Variants in FRMD3 observed in about 807,000 individuals in gnomAD.
FRMD3 encodes FERM domain containing 3.
Under a neutral mutation model 70.2 loss-of-function variants are expected in FRMD3, and 33 were observed. The observed-to-expected ratio is 0.47, with a 90% CI of 0.36 to 0.63. FRMD3 has a LOEUF of 0.63. FRMD3 is among the 20% of genes least tolerant of loss of function. FRMD3 has a pLI of 0.00. For missense variants in FRMD3, 632 were observed against 711.4 expected (o/e 0.89, Z 1.27); for synonymous variants, 279 against 255.9 (o/e 1.09, Z -0.86).
chr9:83,438,591 G>A (rs1329830012), intron 1 of FRMD3, among the ~76,000 whole-genome samples: 1 of 152,158 alleles, frequency 6.6e-6, no homozygotes, highest in South Asian at 2.1e-4. Context: ...GTAGAGACAG[G>A]GTTTCACCAT....
At chr9:83,344,812 C>T (rs953895413) in intron 4 of FRMD3, among the ~76,000 whole-genome samples, 10 of 112,782 alleles carry the variant, frequency 8.9e-5, no homozygotes, top group East Asian at 5.2e-4. Flanking sequence ...TGTGTGCATG[C>T]GTGCATGTGT....
rs563499267 is a variant in FRMD3, at chr9:83,244,871, G to A, written c.*3047C>T. ...CATAACATTTTACAATATTTTTCAAGCACAGACAAATACATACTTTACTTT... is the reference window on the plus strand; with the variant it reads ...CATAACATTTTACAATATTTTTCAAACACAGACAAATACATACTTTACTTT... On this transcript the variant is annotated 3_prime_UTR_variant, in exon 14 of 14. Transcript: ENST00000304195. 5.1e-6 allele frequency: 5 copies of A among 983,258 alleles called. No individual in the cohort carries two copies. In the African/African-American group the frequency reaches 8.9e-5, roughly 18 times the overall value. 60.9% of individuals were successfully genotyped at this position (983,258 alleles called of 1,614,324 possible). A position where few individuals can be genotyped will look rare whatever the true frequency, so the allele number is the denominator to read the frequency against.
chr9:83,574,962 T>C, the FRMD3 span, among the ~76,000 whole-genome samples: 3 of 152,180 alleles, frequency 2.0e-5, no homozygotes, highest in South Asian at 4.1e-4. Flanking sequence ...ACAGGGAAGA[T>C]GTTTCTTCCT....
intron 1 of FRMD3, among the ~76,000 whole-genome samples, chr9:83,516,392 T>C (rs1829456161): frequency 6.6e-6 from 1 of 151,618 alleles, no homozygotes; most frequent in South Asian, 2.1e-4. Flanking sequence ...TACATAATGG[T>C]AAAGGGATCA....
intron 3 of FRMD3, among the ~76,000 whole-genome samples, chr9:83,357,991 CTT>C (rs1824458235): frequency 7.0e-6 from 1 of 143,600 alleles, no homozygotes; most frequent in African/African-American, 2.5e-5. Flanking sequence ...GTCATGGAGT[CTT>C]TGCCTAACCC....
chr9:83,467,568 TAAATA>T (rs1408636791), intron 1 of FRMD3: 2 of 1,131,762 alleles, frequency 1.8e-6, no homozygotes, highest in South Asian at 2.6e-5. Flanking sequence ...TGCATTATGT[TAAATA>T]AAAGCGTACC....
chr9:83,492,701 C>G lies in FRMD3; in HGVS notation c.147+45384G>C, dbSNP rs114837683. Among the ~76,000 whole-genome samples, 738 of 152,346 alleles carry G rather than the reference C, an allele frequency of 4.8e-3. 7 individuals carry two copies. The highest frequency in any genetic ancestry group is 0.017 in the African/African-American group (704 of 41,586). On this transcript the variant is annotated intron_variant, in intron 1 of 13. Coordinates refer to ENST00000304195, the MANE Select transcript of FRMD3 (RefSeq NM_174938.6). ...GTTCTGCCAGAGTCTCCTCTCCACT[C>G]AGTTCCAGCTGTGTCCACCTCGACC...
intron 13 of FRMD3, among the ~76,000 whole-genome samples, chr9:83,263,868 C>T (rs72743036): frequency 0.51 from 76,795 of 151,940 alleles, 21,321 homozygotes; most frequent in South Asian, 0.76. Context: ...TAACAAGAAG[C>T]CTGGAAAACT....
At chr9:83,567,995 T>C in the FRMD3 span, among the ~76,000 whole-genome samples, 1 of 152,190 alleles carries the variant, frequency 6.6e-6, no homozygotes, top group Non-Finnish European at 1.5e-5. Flanking sequence ...ATTCACTGTA[T>C]TAGTCCAAAT....
Position 83,290,708 on chromosome 9 carries a change from G to C in FRMD3, c.1090C>G (p.Arg364Gly). Reference protein sequence around the residue: ...EVHRANITQSRSSHSLNKQLI... With the variant: ...EVHRANITQSGSSHSLNKQLI... ...TGTTTGTTCAAGGAGTGGGAACTGCGGCTCTGAGTAATGTTGGCTCTGAAA... is the reference window on the plus strand; with the variant it reads ...TGTTTGTTCAAGGAGTGGGAACTGCCGCTCTGAGTAATGTTGGCTCTGAAA... Residue 364 changes from arginine (R) to glycine (G), a missense_variant, in exon 13 of 14, where the codon CGC (arginine) becomes GGC (glycine). Physicochemically the swap from Arg to Gly is moderately radical, Grantham distance 125 (BLOSUM62 -2). Coordinates refer to ENST00000304195, the MANE Select transcript of FRMD3 (RefSeq NM_174938.6). The C allele has an allele frequency of 1.2e-6, 2 of 1,612,286 alleles. No homozygotes were observed. The highest frequency in any genetic ancestry group is 1.7e-6 in the Non-Finnish European group (2 of 1,179,034).
chr9:83,405,059 G>C (rs1826060461), intron 1 of FRMD3, among the ~76,000 whole-genome samples: 1 of 152,206 alleles, frequency 6.6e-6, no homozygotes, highest in African/African-American at 2.4e-5. Flanking sequence ...AGAAGGAAGA[G>C]ACGATGGGCT....
chr9:83,332,449 A>T (rs13286422), intron 6 of FRMD3, among the ~76,000 whole-genome samples: 62 of 150,526 alleles, frequency 4.1e-4, no homozygotes, highest in Non-Finnish European at 7.5e-4. Flanking sequence ...CTATCAGGCC[A>T]TCTTGGTCCC....
intron 3 of FRMD3, 75 bp from the exon 4 acceptor site, chr9:83,349,832 C>CA: frequency 1.8e-6 from 2 of 1,127,440 alleles, no homozygotes; most frequent in Non-Finnish European, 2.6e-6. Flanking sequence ...GGAAAGGCAG[C>CA]CGTGCAGCCT....
chr9:83,538,806 C>A (rs1034300348), upstream of FRMD3, among the ~76,000 whole-genome samples: 1 of 150,386 alleles, frequency 6.6e-6, no homozygotes, highest in African/African-American at 2.5e-5. The surrounding 1 kb of genome is among the most constrained non-coding windows in gnomAD (Gnocchi z 4.7). Context: ...AGGGACCTGG[C>A]GCGGGTAGGG....
chr9:83,248,640 A>C, intron 13 of FRMD3, 124 bp from the exon 14 acceptor site: 1 of 1,052,678 alleles, frequency 9.5e-7, no homozygotes, highest in Non-Finnish European at 1.3e-6. Context: ...ATTCTGTGGT[A>C]TCCTAAGTTG....
At chr9:83,467,696 C>T in intron 1 of FRMD3, 2 of 1,534,700 alleles carry the variant, frequency 1.3e-6, no homozygotes, top group South Asian at 2.4e-5. Context: ...CTGCTAGTGC[C>T]TTAAAATACT....
intron 1 of FRMD3, among the ~76,000 whole-genome samples, chr9:83,468,277 G>A (rs1331974982): frequency 2.0e-5 from 3 of 152,184 alleles, no homozygotes; most frequent in African/African-American, 7.2e-5. Context: ...GAAAATAGAT[G>A]TGACTTAAGT....
At chr9:83,478,423 G>T (rs1828450727) in intron 1 of FRMD3, among the ~76,000 whole-genome samples, 1 of 151,988 alleles carries the variant, frequency 6.6e-6, no homozygotes, top group Non-Finnish European at 1.5e-5. Context: ...CTAATCAATT[G>T]GAAAAATGCA....
chr9:83,375,005 T>C (rs1825096948), intron 2 of FRMD3, among the ~76,000 whole-genome samples: 1 of 152,240 alleles, frequency 6.6e-6, no homozygotes, highest in Non-Finnish European at 1.5e-5. Context: ...ATTCTCCTTG[T>C]TTGGCATTCT....
Sources: allele counts gnomAD v4.1 joint callset (sites outside exome capture counted in the v4.1 genomes callset), GRCh38; gene constraint gnomAD v4.1.1; non-coding constraint Gnocchi (gnomAD v3.1); transcripts MANE v1.5; gene names NCBI Gene and HGNC (gene_info 2026-07-23, HGNC 2026-07-21).